NRXN3: variants seen among roughly 807,000 people sequenced by gnomAD.
The protein encoded by NRXN3 is neurexin III.
In NRXN3, 32 loss-of-function variants were observed where a neutral mutation model predicts 137.6. The observed-to-expected ratio is 0.23, with a 90% CI of 0.18 to 0.31. NRXN3 has a LOEUF of 0.31. Among genes scored for constraint, NRXN3 ranks in the 10% least tolerant of loss-of-function variants. NRXN3 has a pLI of 1.00. For missense variants in NRXN3, 1,574 were observed against 2,062.5 expected, an observed-to-expected ratio of 0.76 and a Z score of 4.59; for synonymous variants, 798 against 784.5, an observed-to-expected ratio of 1.02 and a Z score of -0.29.
chr14:78,246,771 A>G (rs1025079413), intron 2 of NRXN3, among the ~76,000 whole-genome samples: 1 of 149,604 alleles, frequency 6.7e-6, no homozygotes, highest in Admixed American at 6.6e-5. Context: ...GCTAAGTGTC[A>G]AATAGATCTA....
intron 15 of NRXN3, among the ~76,000 whole-genome samples, chr14:79,131,971 C>T (rs1596319648): frequency 6.6e-6 from 1 of 152,254 alleles, no homozygotes. Flanking sequence ...CTTTCTTTGA[C>T]TAGGAAAGGG....
At chr14:79,700,325 G>GA (rs1343460211) in intron 19 of NRXN3, among the ~76,000 whole-genome samples, 2 of 151,686 alleles carry the variant, frequency 1.3e-5, no homozygotes, top group Non-Finnish European at 2.9e-5. Flanking sequence ...AGTGAGTGGG[G>GA]AAAAAAAGGT....
rs869170695 is a variant in NRXN3 at position 79,441,366 on chromosome 14, C to CTTTTTTTTTTTTTTTTTTT, written c.3263-25842_3263-25824dup. Among the ~76,000 whole-genome samples the CTTTTTTTTTTTTTTTTTTT allele has an allele frequency of 7.4e-5, 5 of 67,232 alleles. 1 individual carries two copies. Among genetic ancestry groups the CTTTTTTTTTTTTTTTTTTT allele is most frequent in the East Asian group, 8.4e-4 (1 of 1,184 alleles). The allele number at this position is 67,232 out of a possible 152,430, so 44.1% of individuals were successfully genotyped here. A position where few individuals can be genotyped will look rare whatever the true frequency, so the allele number is the denominator to read the frequency against. ...GAATATCCCTGGACAAACAGAAAAT[C>CTTTTTTTTTTTTTTTTTTT]TTTTTTTTTTTTTTTTTTTTTTTTT... On this transcript the variant is annotated intron_variant, in intron 15 of 20. Transcript: ENST00000335750.
At chr14:79,581,674 C>T (rs150509977) in intron 16 of NRXN3, among the ~76,000 whole-genome samples, 35 of 152,244 alleles carry the variant, frequency 2.3e-4, no homozygotes, top group African/African-American at 7.7e-4. Context: ...ATTATTTTCC[C>T]CTTACTTTAA....
intron 4 of NRXN3, among the ~76,000 whole-genome samples, chr14:78,351,789 T>C (rs1366828107): frequency 2.0e-5 from 3 of 151,168 alleles, no homozygotes; most frequent in African/African-American, 7.3e-5. Context: ...TTTCTTTTTT[T>C]TTTTTTTTTG....
chr14:78,465,601 G>T (rs912738758), intron 4 of NRXN3, among the ~76,000 whole-genome samples: 1 of 152,098 alleles, frequency 6.6e-6, no homozygotes, highest in African/African-American at 2.4e-5. Flanking sequence ...GCAGTGGCGC[G>T]ATCTCGGCTC....
At chr14:78,461,714 A>G (rs189399915) in intron 4 of NRXN3, among the ~76,000 whole-genome samples, 1 of 152,330 alleles carries the variant, frequency 6.6e-6, no homozygotes, top group African/African-American at 2.4e-5. Context: ...TTAAGAGTGC[A>G]GGGTGGGTTC....
intron 15 of NRXN3, among the ~76,000 whole-genome samples, chr14:79,363,926 G>A (rs2093780034): frequency 6.6e-6 from 1 of 152,120 alleles, no homozygotes; most frequent in African/African-American, 2.4e-5. Context: ...TGTTGATATG[G>A]TGAGCTAGCA....
At position 79,338,421 on chromosome 14, in the gene NRXN3, T is replaced by TTAC. The variant is rs200223645; in HGVS notation, c.3263-128799_3263-128797dup. ...TGATTTATATTTTTGAACTTCGATT[T>TTAC]TACCACTGCGTTCCCTCCAGTGTAC... is the stretch of plus-strand genomic sequence containing the variant. On this transcript the variant is annotated intron_variant, in intron 15 of 20. Coordinates refer to ENST00000335750, the MANE Select transcript of NRXN3 (RefSeq NM_001330195.2). Among the ~76,000 whole-genome samples the TTAC allele has an allele frequency of 3.7e-3, 561 of 152,184 alleles. 1 individual carries two copies. The highest frequency in any genetic ancestry group is 0.013 in the African/African-American group (520 of 41,516).
At chr14:78,349,153 T>C (rs2083144859) in intron 4 of NRXN3, among the ~76,000 whole-genome samples, 1 of 152,224 alleles carries the variant, frequency 6.6e-6, no homozygotes, top group Non-Finnish European at 1.5e-5. Flanking sequence ...TGCAGGTGTT[T>C]TGTAATAATC....
At chr14:78,533,243 G>A (rs568769431) in intron 4 of NRXN3, among the ~76,000 whole-genome samples, 5 of 151,234 alleles carry the variant, frequency 3.3e-5, no homozygotes, top group South Asian at 2.1e-4. Context: ...CAGCCACCAC[G>A]CCCGGCTAAT....
At chr14:79,189,041 A>G (rs1189867400) in intron 15 of NRXN3, among the ~76,000 whole-genome samples, 2 of 152,086 alleles carry the variant, frequency 1.3e-5, no homozygotes, top group Non-Finnish European at 2.9e-5. Flanking sequence ...TACTGGGTAT[A>G]TACCCAAAGG....
At chr14:79,384,009 G>T (rs563597930) in intron 15 of NRXN3, among the ~76,000 whole-genome samples, 2 of 152,074 alleles carry the variant, frequency 1.3e-5, no homozygotes, top group Non-Finnish European at 2.9e-5. Context: ...TCTTAGCTGC[G>T]AAATCAAGTT....
chr14:79,332,854 G>A (rs1483571410), intron 15 of NRXN3, among the ~76,000 whole-genome samples: 1 of 152,144 alleles, frequency 6.6e-6, no homozygotes, highest in Non-Finnish European at 1.5e-5. Context: ...AAAATGATTC[G>A]TTTTATCAAG....
chr14:79,290,028 C>A (rs2082912641), intron 15 of NRXN3, among the ~76,000 whole-genome samples: 1 of 152,088 alleles, frequency 6.6e-6, no homozygotes, highest in Non-Finnish European at 1.5e-5. Flanking sequence ...CTCTCACCCC[C>A]CCACGTTAAA....
intron 15 of NRXN3, among the ~76,000 whole-genome samples, chr14:79,020,449 G>C (rs2099587707): frequency 7.0e-6 from 1 of 143,878 alleles, no homozygotes; most frequent in Non-Finnish European, 1.5e-5. Context: ...TTTTTTAATA[G>C]AGATGGGGTT....
At chr14:79,001,200 A>G (rs971212126) in intron 15 of NRXN3, among the ~76,000 whole-genome samples, 1 of 152,312 alleles carries the variant, frequency 6.6e-6, no homozygotes, top group South Asian at 2.1e-4. Context: ...ATGATAGTGA[A>G]GAAGACTTCA....
chr14:78,508,881 A>C (rs970299845), intron 4 of NRXN3, among the ~76,000 whole-genome samples: 1 of 152,222 alleles, frequency 6.6e-6, no homozygotes, highest in African/African-American at 2.4e-5. Flanking sequence ...TTAAGCAACT[A>C]ATCAACTACG....
intron 10 of NRXN3, among the ~76,000 whole-genome samples, chr14:78,924,973 A>G (rs958549137): frequency 1.9e-4 from 29 of 152,180 alleles, no homozygotes; most frequent in African/African-American, 6.8e-4. Flanking sequence ...GAGTATTCAC[A>G]AGCAAGAACC....
Sources: allele counts gnomAD v4.1 joint callset (sites outside exome capture counted in the v4.1 genomes callset), GRCh38; gene constraint gnomAD v4.1.1; transcripts MANE v1.5; gene names NCBI Gene and HGNC (gene_info 2026-07-23, HGNC 2026-07-21).